MSH4: variants seen among roughly 807,000 people sequenced by gnomAD.
MSH4 encodes the protein mutS homolog 4, also known as mutS protein homolog 4.
In MSH4, 106 loss-of-function variants were observed where a neutral mutation model predicts 113.7. The ratio of observed to expected loss-of-function variants is 0.93; its 90% CI spans 0.80 to 1.10. The LOEUF is 1.10. MSH4 is among the 50% of genes least tolerant of loss of function. The pLI is 0.00. For missense variants in MSH4, 1,061 were observed against 1,093.7 expected (o/e 0.97, Z 0.42); for synonymous variants, 368 against 380.2 (o/e 0.97, Z 0.37).
chr1:75,844,741 GAATAA>G (rs1376632509), intron 7 of MSH4, among the ~76,000 whole-genome samples: 1 of 152,304 alleles, frequency 6.6e-6, no homozygotes, highest in Non-Finnish European at 1.5e-5. Context: ...AAATTGAGAA[GAATAA>G]AATAAGTTTT....
intron 8 of MSH4, among the ~76,000 whole-genome samples, chr1:75,866,403 A>G (rs1651563475): frequency 6.6e-6 from 1 of 152,078 alleles, no homozygotes; most frequent in Admixed American, 6.6e-5. Context: ...AGCTCAAGTG[A>G]TCCTCCTACC....
At position 75,895,511 on chromosome 1, in the gene MSH4, C is replaced by A. The variant is rs183249779; in HGVS notation, c.2356-2396C>A. On this transcript the variant is annotated intron_variant, in intron 17 of 19. Transcript: ENST00000263187. ...AGGTAGTTGTAATTACCAACTACAACTCTCTTACCAGTTACAGAAATAAGG... is the reference window on the plus strand; with the variant it reads ...AGGTAGTTGTAATTACCAACTACAAATCTCTTACCAGTTACAGAAATAAGG... 4.9e-4 allele frequency among the ~76,000 whole-genome samples: 75 copies of A among 152,198 alleles called. 1 individual carries two copies. Among genetic ancestry groups the A allele is most frequent in the Non-Finnish European group, 1.2e-4 (8 of 68,008 alleles).
intron 4 of MSH4, among the ~76,000 whole-genome samples, chr1:75,814,369 G>C (rs549047172): frequency 6.6e-6 from 1 of 151,664 alleles, no homozygotes; most frequent in Non-Finnish European, 1.5e-5. Context: ...GGAGGATGAA[G>C]CAAGCAGATT....
chr1:75,805,477 T>C (rs1233312408), intron 2 of MSH4, among the ~76,000 whole-genome samples: 3 of 151,428 alleles, frequency 2.0e-5, no homozygotes, highest in African/African-American at 7.3e-5. Flanking sequence ...AACATCCACT[T>C]CCTGGGTTCA....
At chr1:75,900,551 C>T (rs1416126349) in intron 19 of MSH4, among the ~76,000 whole-genome samples, 1 of 152,116 alleles carries the variant, frequency 6.6e-6, no homozygotes, top group African/African-American at 2.4e-5. Context: ...AGGTGATCCA[C>T]CAACCTCGGG....
chr1:75,909,512 G>A (rs1015869743), intron 19 of MSH4, among the ~76,000 whole-genome samples: 4 of 150,294 alleles, frequency 2.7e-5, no homozygotes, highest in African/African-American at 4.9e-5. Flanking sequence ...TGGGATACAC[G>A]TGCAGAACGT....
intron 7 of MSH4, among the ~76,000 whole-genome samples, chr1:75,829,528 C>A (rs561573032): frequency 9.4e-4 from 143 of 152,326 alleles, no homozygotes; most frequent in Middle Eastern, 3.4e-3. Context: ...AACTGGGAGG[C>A]ATCTCCCAGT....
At chr1:75,833,419 G>T (rs112802675) in intron 7 of MSH4, among the ~76,000 whole-genome samples, 1 of 152,130 alleles carries the variant, frequency 6.6e-6, no homozygotes, top group Non-Finnish European at 1.5e-5. Flanking sequence ...TTTCTTCACA[G>T]AATTGGAAAA....
chr1:75,848,757 A>T (rs1651129095), intron 8 of MSH4, among the ~76,000 whole-genome samples: 1 of 152,206 alleles, frequency 6.6e-6, no homozygotes, highest in East Asian at 1.9e-4. Flanking sequence ...ATTGCTTTTT[A>T]GATAGTTGAG....
At chr1:75,893,690 T>C (rs189492369) in intron 17 of MSH4, among the ~76,000 whole-genome samples, 35 of 152,306 alleles carry the variant, frequency 2.3e-4, no homozygotes, top group Middle Eastern at 3.4e-3. Context: ...TACATTGCAC[T>C]CTGAAAGAAC....
chr1:75,844,751 A>C (rs1332897244), intron 7 of MSH4, among the ~76,000 whole-genome samples: 1 of 152,248 alleles, frequency 6.6e-6, no homozygotes, highest in Non-Finnish European at 1.5e-5. Context: ...GAATAAAATA[A>C]GTTTTTGAGT....
rs760146124 is a variant in MSH4 at position 75,810,412 on chromosome 1, A to ATTTTTTTTT, written c.589-271_589-263dup. ...ACCACCATGCTCGGGTAATTTTTGT[A>ATTTTTTTTT]TTTTTTTTTTTTTTTTTTTTTTAGT... On this transcript the variant is annotated intron_variant, in intron 3 of 19. Transcript: ENST00000263187. Among the ~76,000 whole-genome samples, 10 of 104,470 alleles carry ATTTTTTTTT rather than the reference A, an allele frequency of 9.6e-5. 2 individuals are homozygous for ATTTTTTTTT. Among genetic ancestry groups the ATTTTTTTTT allele is most frequent in the South Asian group, 6.4e-4 (2 of 3,102 alleles). 68.5% of individuals were successfully genotyped at this position (104,470 alleles called of 152,430 possible).
At chr1:75,842,553 A>G (rs1203035804) in intron 7 of MSH4, among the ~76,000 whole-genome samples, 1 of 152,236 alleles carries the variant, frequency 6.6e-6, no homozygotes, top group Non-Finnish European at 1.5e-5. Flanking sequence ...TTATTCCAAT[A>G]TTATAATAAT....
rs962502836 is a variant in MSH4, at chr1:75,851,724, A to G, written c.1230+3448A>G. 5.3e-5 allele frequency among the ~76,000 whole-genome samples: 8 copies of G among 152,322 alleles called. No individual in the cohort carries two copies. The East Asian group carries it at 1.5e-3, about 29-fold the overall frequency. Reference sequence around the variant, plus strand: ...CGGACACAGCCTCAGACCACTTTAAATAATATTATAATACTTTACATATGA... The same window carrying G: ...CGGACACAGCCTCAGACCACTTTAAGTAATATTATAATACTTTACATATGA... On this transcript the variant is annotated intron_variant, in intron 8 of 19. Coordinates refer to ENST00000263187, the MANE Select transcript of MSH4 (RefSeq NM_002440.4).
intron 18 of MSH4, among the ~76,000 whole-genome samples, chr1:75,898,604 C>T (rs966774375): frequency 2.4e-4 from 37 of 151,692 alleles, no homozygotes; most frequent in African/African-American, 8.7e-4. Flanking sequence ...CTGCAACCTC[C>T]ACCTCCCAAG....
intron 11 of MSH4, among the ~76,000 whole-genome samples, chr1:75,878,646 C>A (rs899128623): frequency 6.6e-6 from 1 of 151,802 alleles, no homozygotes; most frequent in Non-Finnish European, 1.5e-5. Context: ...AGAGACAAGA[C>A]GTTGTCTCTA....
chr1:75,871,531 A>G (rs1188792737), intron 9 of MSH4, among the ~76,000 whole-genome samples: 2 of 152,218 alleles, frequency 1.3e-5, no homozygotes, highest in Non-Finnish European at 2.9e-5. Context: ...AGCAATACCA[A>G]TTAAAACCAT....
intron 9 of MSH4, among the ~76,000 whole-genome samples, chr1:75,875,094 A>G (rs976652592): frequency 6.6e-5 from 10 of 152,144 alleles, no homozygotes; most frequent in Non-Finnish European, 4.4e-5. Flanking sequence ...GGGTTTCGCC[A>G]TGTTGGCCAC....
At chr1:75,888,772 T>C (rs985042207) in intron 15 of MSH4, among the ~76,000 whole-genome samples, 1 of 152,174 alleles carries the variant, frequency 6.6e-6, no homozygotes, top group African/African-American at 2.4e-5. Context: ...ATTTTGAATG[T>C]TATCATTCAA....
Sources: gnomAD v4.1 joint callset for allele counts (sites outside exome capture counted in the v4.1 genomes callset) on GRCh38, gnomAD v4.1.1 for gene constraint, MANE v1.5 for transcripts, NCBI Gene and HGNC (gene_info 2026-07-23, HGNC 2026-07-21) for gene names.